INPP4B: variants seen among roughly 807,000 people sequenced by gnomAD.
INPP4B encodes the protein inositol polyphosphate-4-phosphatase type II B, also known as inositol polyphosphate 4-phosphatase type II.
INPP4B carries 55 observed loss-of-function variants against 122.5 expected under a neutral mutation model. The ratio of observed to expected loss-of-function variants is 0.45; its 90% CI spans 0.36 to 0.56. The LOEUF (loss-of-function observed/expected upper bound fraction) is 0.56. Ranked by LOEUF, INPP4B falls within the 20% of genes least tolerant of loss-of-function variation. The probability of loss-of-function intolerance (pLI) is 0.00; values close to 1 mark genes in which losing one functional copy is unlikely to be tolerated. For synonymous variants in INPP4B, 403 were observed against 388.7 expected, an observed-to-expected ratio of 1.04 and a Z score of -0.43; for missense variants, 1,000 against 1,097.7, an observed-to-expected ratio of 0.91 and a Z score of 1.26.
intron 17 of INPP4B, among the ~76,000 whole-genome samples, chr4:142,149,586 GA>G (rs1376390621): frequency 2.0e-5 from 3 of 152,140 alleles, no homozygotes; most frequent in Admixed American, 1.3e-4. Flanking sequence ...AGAAACCCAG[GA>G]AGGGTCAGGT....
intron 18 of INPP4B, among the ~76,000 whole-genome samples, chr4:142,137,095 G>C (rs1188311869): frequency 1.3e-5 from 2 of 152,120 alleles, no homozygotes. Context: ...TAAGCCAAAA[G>C]AACAAAGCTG....
chr4:142,100,127 T>C (rs537188201), intron 23 of INPP4B, among the ~76,000 whole-genome samples: 1 of 152,262 alleles, frequency 6.6e-6, no homozygotes, highest in East Asian at 1.9e-4. Flanking sequence ...TGATATGCCC[T>C]CATTTCTGTA....
chr4:142,264,648 T>A (rs2150454041), intron 10 of INPP4B, among the ~76,000 whole-genome samples: 1 of 152,314 alleles, frequency 6.6e-6, no homozygotes, highest in South Asian at 2.1e-4. Flanking sequence ...AGCAAACGTA[T>A]GTGAGAAGAA....
At chr4:142,520,758 A>G (rs865941333) in intron 2 of INPP4B, among the ~76,000 whole-genome samples, 44 of 152,104 alleles carry the variant, frequency 2.9e-4, no homozygotes, top group Middle Eastern at 6.8e-3. Context: ...TCTACTACCC[A>G]TATATTATTA....
intron 2 of INPP4B, among the ~76,000 whole-genome samples, chr4:142,597,582 G>C (rs1738993928): frequency 6.6e-6 from 1 of 152,140 alleles, no homozygotes; most frequent in African/African-American, 2.4e-5. Context: ...TCTGGAAGGT[G>C]GTTGTCAGCA....
chr4:142,457,563 G>A (rs1377290183), intron 3 of INPP4B, among the ~76,000 whole-genome samples: 2 of 152,122 alleles, frequency 1.3e-5, no homozygotes, highest in South Asian at 2.1e-4. Flanking sequence ...TAGTCATTAA[G>A]AATATATAAA....
At chr4:142,118,948 A>G (rs1795183122) in intron 21 of INPP4B, among the ~76,000 whole-genome samples, 1 of 152,100 alleles carries the variant, frequency 6.6e-6, no homozygotes, top group Non-Finnish European at 1.5e-5. Flanking sequence ...AATTTACAAG[A>G]AAAAAAATCA....
At chr4:142,074,991 G>A (rs1023924643) in intron 25 of INPP4B, among the ~76,000 whole-genome samples, 17 of 151,956 alleles carry the variant, frequency 1.1e-4, no homozygotes, top group Non-Finnish European at 2.2e-4. Context: ...TATCCTCTGA[G>A]CCACTTAATA....
At chr4:142,136,515 G>C (rs778703812) in intron 18 of INPP4B, among the ~76,000 whole-genome samples, 22 of 152,238 alleles carry the variant, frequency 1.4e-4, no homozygotes, top group Non-Finnish European at 3.2e-4. Context: ...AGGCACCCCA[G>C]ATGATGTGAA....
intron 2 of INPP4B, among the ~76,000 whole-genome samples, chr4:142,588,808 C>G (rs916338040): frequency 6.6e-6 from 1 of 151,694 alleles, no homozygotes; most frequent in African/African-American, 2.4e-5. Context: ...AAAATCTCAG[C>G]AATTAATTTT....
At chr4:142,391,186 T>G (rs753101909) in intron 7 of INPP4B, among the ~76,000 whole-genome samples, 1 of 152,198 alleles carries the variant, frequency 6.6e-6, no homozygotes, top group Non-Finnish European at 1.5e-5. Flanking sequence ...AAATTACCTA[T>G]AATAACCCAT....
intron 2 of INPP4B, among the ~76,000 whole-genome samples, chr4:142,667,222 C>G (rs975416444): frequency 6.6e-6 from 1 of 152,168 alleles, no homozygotes; most frequent in Non-Finnish European, 1.5e-5. Context: ...CTTCTCAGTC[C>G]CTGCTGTATT....
chr4:142,347,455 GAC>G, intron 7 of INPP4B: 1 of 427,284 alleles, frequency 2.3e-6, no homozygotes, highest in Non-Finnish European at 4.6e-6. Flanking sequence ...CATCACAGCT[GAC>G]ACATAAAATG....
At chr4:142,293,274 A>C (rs1757216800) in intron 9 of INPP4B, among the ~76,000 whole-genome samples, 1 of 152,106 alleles carries the variant, frequency 6.6e-6, no homozygotes, top group Non-Finnish European at 1.5e-5. Flanking sequence ...TCCTGACTTC[A>C]GGTGATCCAC....
At chr4:142,532,416 C>T (rs1048145783) in intron 2 of INPP4B, among the ~76,000 whole-genome samples, 2 of 152,124 alleles carry the variant, frequency 1.3e-5, no homozygotes, top group Non-Finnish European at 2.9e-5. Context: ...TTCTGCTTTA[C>T]TTTTTCAGGG....
intron 5 of INPP4B, among the ~76,000 whole-genome samples, chr4:142,412,960 A>G (rs1469372791): frequency 6.6e-6 from 1 of 152,154 alleles, no homozygotes. Flanking sequence ...TTAACAAACC[A>G]CAGCTTCTCC....
chr4:142,404,513 T>C (rs1317021151), intron 6 of INPP4B, among the ~76,000 whole-genome samples: 2 of 152,236 alleles, frequency 1.3e-5, no homozygotes, highest in African/African-American at 4.8e-5. Flanking sequence ...ACACTTCCTC[T>C]TTTGAATCTG....
intron 2 of INPP4B, among the ~76,000 whole-genome samples, chr4:142,574,540 A>T (rs1463372479): frequency 1.3e-5 from 2 of 152,110 alleles, no homozygotes; most frequent in African/African-American, 2.4e-5. Context: ...CTTGAAGCTT[A>T]CAGAGTGAGT....
chr4:142,361,807 ATAG>A (rs1343827826), intron 7 of INPP4B, among the ~76,000 whole-genome samples: 1 of 151,934 alleles, frequency 6.6e-6, no homozygotes, highest in Non-Finnish European at 1.5e-5. Flanking sequence ...TATATATATG[ATAG>A]TAGACAAAAG....
Sources: allele counts gnomAD v4.1 joint callset (sites outside exome capture counted in the v4.1 genomes callset), GRCh38; gene constraint gnomAD v4.1.1; transcripts MANE v1.5; gene names NCBI Gene and HGNC (gene_info 2026-07-23, HGNC 2026-07-21).